The following TNKS variants were observed in gnomAD, a reference collection of about 807,000 sequenced individuals.
TNKS encodes tankyrase, also known as poly [ADP-ribose] polymerase tankyrase-1.
Under a neutral mutation model 135.8 loss-of-function variants are expected in TNKS, and 72 were observed. That is an observed-to-expected ratio of 0.53 (90% confidence interval 0.44 to 0.64). The LOEUF (loss-of-function observed/expected upper bound fraction) is 0.64, where lower values mean the gene tolerates loss of function less well. Ranked by LOEUF, TNKS falls within the 30% of genes least tolerant of loss-of-function variation. The pLI is 0.00. For missense variants in TNKS, 1,769 were observed against 1,674.0 expected (o/e 1.06, Z -0.99); for synonymous variants, 849 against 649.3 (o/e 1.31, Z -4.68).
intron 2 of TNKS, among the ~76,000 whole-genome samples, chr8:9,585,565 A>G (rs545127188): frequency 1.8e-4 from 27 of 152,228 alleles, no homozygotes; most frequent in Admixed American, 1.3e-3. Flanking sequence ...CTTTTCATTT[A>G]CAATATTGAC....
chr8:9,581,420 G>C (rs577213004), intron 2 of TNKS, among the ~76,000 whole-genome samples: 18 of 152,192 alleles, frequency 1.2e-4, no homozygotes, highest in Admixed American at 3.9e-4. Context: ...AGTTTCAACT[G>C]ACTCTCCCAT....
intron 3 of TNKS, among the ~76,000 whole-genome samples, chr8:9,650,201 GTTTC>G (rs1427807212): frequency 6.6e-6 from 1 of 151,950 alleles, no homozygotes; most frequent in Non-Finnish European, 1.5e-5. Context: ...CTATACCACA[GTTTC>G]TTTATCTGCT....
At chr8:9,728,515 C>G (rs1046164928) in intron 13 of TNKS, among the ~76,000 whole-genome samples, 23 of 152,200 alleles carry the variant, frequency 1.5e-4, no homozygotes, top group African/African-American at 5.3e-4. Flanking sequence ...TGTCAGTATT[C>G]TGACAAATAG....
At chr8:9,563,041 C>T (rs1797398438) in intron 1 of TNKS, among the ~76,000 whole-genome samples, 1 of 151,648 alleles carries the variant, frequency 6.6e-6, no homozygotes, top group Non-Finnish European at 1.5e-5. Context: ...GAAACTTTGC[C>T]TCTTCTAAAT....
At chr8:9,696,200 G>A (rs1393391982) in intron 5 of TNKS, among the ~76,000 whole-genome samples, 2 of 152,040 alleles carry the variant, frequency 1.3e-5, no homozygotes, top group African/African-American at 4.8e-5. Context: ...GTAGAAAAGA[G>A]GTTTAAGGAC....
At chr8:9,567,606 A>G (rs1164363541) in intron 1 of TNKS, among the ~76,000 whole-genome samples, 1 of 152,158 alleles carries the variant, frequency 6.6e-6, no homozygotes, top group East Asian at 1.9e-4. Flanking sequence ...TTTAGTAGAG[A>G]CGGGGTTTCA....
intron 18 of TNKS, among the ~76,000 whole-genome samples, chr8:9,749,623 T>C (rs1310643634): frequency 1.3e-5 from 2 of 152,086 alleles, no homozygotes; most frequent in Non-Finnish European, 2.9e-5. Context: ...TACAGGCACA[T>C]GCCACTATGC....
intron 26 of TNKS, among the ~76,000 whole-genome samples, chr8:9,775,389 A>G (rs983946962): frequency 4.0e-5 from 6 of 148,288 alleles, no homozygotes; most frequent in Admixed American, 3.5e-4. Context: ...GTACTAAAAT[A>G]GAAACTGTTG....
intron 2 of TNKS, among the ~76,000 whole-genome samples, chr8:9,597,961 A>T (rs543931636): frequency 3.3e-5 from 5 of 152,308 alleles, no homozygotes; most frequent in African/African-American, 1.2e-4. Flanking sequence ...TTATTTTTTT[A>T]ATTATTTGCT....
chr8:9,748,270 G>C, intron 18 of TNKS, 58 bp downstream of exon 18: 5 of 1,324,538 alleles, frequency 3.8e-6, no homozygotes, highest in Non-Finnish European at 4.9e-6. Context: ...GATGACATCA[G>C]ATTCTCGGGT....
intron 18 of TNKS, among the ~76,000 whole-genome samples, 187 bp from the exon 19 acceptor site, chr8:9,751,422 A>C (rs760251006): frequency 6.6e-6 from 1 of 152,176 alleles, no homozygotes; most frequent in Non-Finnish European, 1.5e-5. Context: ...AGTTTCTCCA[A>C]TTCTGTCTAC....
At chr8:9,708,754 G>T (rs569437981) in intron 9 of TNKS, among the ~76,000 whole-genome samples, 1 of 151,812 alleles carries the variant, frequency 6.6e-6, no homozygotes, top group South Asian at 2.1e-4. Context: ...ATCCACTTTT[G>T]TGGCCAGTGC....
intron 20 of TNKS, among the ~76,000 whole-genome samples, chr8:9,760,622 C>A (rs918731361): frequency 6.6e-6 from 1 of 152,144 alleles, no homozygotes; most frequent in African/African-American, 2.4e-5. Context: ...TTCATCAGGG[C>A]TGGAAAATTG....
At chr8:9,673,587 G>T (rs150670524) in intron 3 of TNKS, among the ~76,000 whole-genome samples, 1 of 151,928 alleles carries the variant, frequency 6.6e-6, no homozygotes, top group Non-Finnish European at 1.5e-5. Context: ...GGGATTACAG[G>T]CACGTGCCAC....
In TNKS at chr8:9,607,527, C is replaced by G. The variant is rs554111458; in HGVS notation, c.899-8055C>G. Among the ~76,000 whole-genome samples, 20 of 152,278 alleles carry G rather than the reference C, an allele frequency of 1.3e-4. No individual in the cohort carries two copies. The South Asian group carries it at 3.3e-3, about 25-fold the overall frequency. On this transcript the variant is annotated intron_variant, in intron 2 of 26. Transcript: ENST00000310430. ...ATGTCATGTCAGAAAACCTTTTGCACTCTGTAACATCACAATCCACTGGTC... is the reference window on the plus strand; with the variant it reads ...ATGTCATGTCAGAAAACCTTTTGCAGTCTGTAACATCACAATCCACTGGTC...
In TNKS at chr8:9,556,169, G is replaced by C. The variant is rs759679641; in HGVS notation, c.230G>C (p.Arg77Thr). Residue 77 changes from arginine (R) to threonine (T), a missense_variant, in exon 1 of 27, where the codon AGG (arginine) becomes ACG (threonine). Transcript: ENST00000310430. ...GATGGCAGTCGGGATCCGCCCGACA[G>C]GCCCCGATCCCCGGACCCGGTTGAC... The part of the protein sequence containing the change: ...EGDGSRDPPD[R>T]PRSPDPVDGT... 1 of 1,611,952 alleles carries C rather than the reference G, an allele frequency of 6.2e-7. No individual in the cohort carries two copies. The highest frequency in any genetic ancestry group is 8.5e-7 in the Non-Finnish European group (1 of 1,178,806).
chr8:9,758,236 T>C (rs536384883), intron 20 of TNKS, among the ~76,000 whole-genome samples: 19 of 152,298 alleles, frequency 1.2e-4, no homozygotes, highest in Non-Finnish European at 2.5e-4. Flanking sequence ...TGGATGGTGG[T>C]TGGATGATGA....
At chr8:9,746,013 G>C (rs1806216761) in intron 17 of TNKS, among the ~76,000 whole-genome samples, 1 of 152,188 alleles carries the variant, frequency 6.6e-6, no homozygotes, top group African/African-American at 2.4e-5. Context: ...GGCCTTCCCT[G>C]TCTTTTCCCA....
intron 11 of TNKS, among the ~76,000 whole-genome samples, chr8:9,716,980 C>T (rs1211171886): frequency 6.7e-6 from 1 of 148,524 alleles, no homozygotes; most frequent in African/African-American, 2.5e-5. Flanking sequence ...ACCCTCTAGT[C>T]TATAATCACT....
Sources: gnomAD v4.1 joint callset for allele counts (sites outside exome capture counted in the v4.1 genomes callset) on GRCh38, gnomAD v4.1.1 for gene constraint, MANE v1.5 for transcripts, NCBI Gene and HGNC (gene_info 2026-07-23, HGNC 2026-07-21) for gene names.